PCDH15: variants seen among roughly 807,000 people sequenced by gnomAD.
The protein encoded by PCDH15 is protocadherin-15.
A neutral mutation model predicts 178.5 loss-of-function variants in PCDH15; 129 were observed. The ratio of observed to expected loss-of-function variants is 0.72; its 90% CI spans 0.63 to 0.84. The LOEUF (loss-of-function observed/expected upper bound fraction) is 0.84. PCDH15 is among the 40% of genes least tolerant of loss of function. The probability of loss-of-function intolerance (pLI) is 0.00; values close to 1 mark genes in which losing one functional copy is unlikely to be tolerated. For missense variants in PCDH15, 2,230 were observed against 2,099.9 expected, an observed-to-expected ratio of 1.06 and a Z score of -1.21; for synonymous variants, 800 against 732.0, an observed-to-expected ratio of 1.09 and a Z score of -1.50.
chr10:54,423,725 T>C (rs1955852623), intron 3 of PCDH15, among the ~76,000 whole-genome samples: 1 of 151,814 alleles, frequency 6.6e-6, no homozygotes. Context: ...ATGACATGAA[T>C]TTGGGAAAAA....
chr10:54,096,217 T>C (rs571559302), intron 15 of PCDH15, among the ~76,000 whole-genome samples: 2 of 152,042 alleles, frequency 1.3e-5, no homozygotes, highest in East Asian at 3.9e-4. Context: ...TTCACCTGCT[T>C]GCTTGAACCA....
chr10:55,527,242 T>C (rs572405703), intron 2 of PCDH15, among the ~76,000 whole-genome samples: 1 of 152,150 alleles, frequency 6.6e-6, no homozygotes, highest in Non-Finnish European at 1.5e-5. Context: ...AGAAACATAT[T>C]GTCTCACAGT....
At chr10:54,436,623 A>G (rs1351978706) in intron 3 of PCDH15, among the ~76,000 whole-genome samples, 1 of 152,182 alleles carries the variant, frequency 6.6e-6, no homozygotes, top group Non-Finnish European at 1.5e-5. Context: ...TGATTTTTAT[A>G]TATGCTTTTT....
intron 15 of PCDH15, among the ~76,000 whole-genome samples, chr10:54,095,179 AC>A (rs1010277843): frequency 1.3e-5 from 2 of 152,154 alleles, no homozygotes; most frequent in African/African-American, 4.8e-5. Context: ...ATGTTATTAA[AC>A]CACTTGAGAG....
At chr10:55,417,873 T>C (rs1255509159) in intron 2 of PCDH15, among the ~76,000 whole-genome samples, 1 of 151,596 alleles carries the variant, frequency 6.6e-6, no homozygotes, top group African/African-American at 2.4e-5. Flanking sequence ...TGCATCTTAT[T>C]GTTTTTAACA....
chr10:53,926,070 C>A (rs1015721558), intron 25 of PCDH15, among the ~76,000 whole-genome samples: 1 of 152,154 alleles, frequency 6.6e-6, no homozygotes, highest in African/African-American at 2.4e-5. Context: ...TCCTTGATTT[C>A]TTCCTTTCTC....
chr10:54,186,268 AT>A (rs2048467412), intron 11 of PCDH15, among the ~76,000 whole-genome samples: 1 of 152,062 alleles, frequency 6.6e-6, no homozygotes, highest in Non-Finnish European at 1.5e-5. Flanking sequence ...AATGGATTTA[AT>A]ATCATAAAAC....
chr10:54,583,877 A>T (rs915035346), intron 2 of PCDH15, among the ~76,000 whole-genome samples: 3 of 152,112 alleles, frequency 2.0e-5, no homozygotes, highest in Non-Finnish European at 4.4e-5. Flanking sequence ...GTACACAAAA[A>T]TCTATTGCCT....
chr10:54,937,562 G>GT (rs961554204), intron 2 of PCDH15, among the ~76,000 whole-genome samples: 3 of 151,494 alleles, frequency 2.0e-5, no homozygotes, highest in African/African-American at 7.3e-5. Flanking sequence ...TTAGTATTTT[G>GT]TTTTTTGGGG....
Position 54,396,649 on chromosome 10 carries a change from T to A in PCDH15, c.158-17707A>T, listed in dbSNP as rs376605386. On this transcript the variant is annotated intron_variant, in intron 3 of 37. Coordinates refer to ENST00000644397, the MANE Select transcript of PCDH15 (RefSeq NM_001384140.1). ...TCAGTCTCTGTGTTAGAAGTTGACA[T>A]GATATATGAAGGAAAAGGGCCACTT... is the stretch of plus-strand genomic sequence containing the variant. Among the ~76,000 whole-genome samples the A allele has an allele frequency of 1.4e-4, 21 of 152,230 alleles. No homozygotes were observed. In the East Asian group the frequency reaches 3.5e-3, roughly 25 times the overall value.
intron 3 of PCDH15, among the ~76,000 whole-genome samples, chr10:54,494,844 C>A (rs2079961432): frequency 6.6e-6 from 1 of 151,616 alleles, no homozygotes; most frequent in South Asian, 2.1e-4. Flanking sequence ...CAAGGAAGGA[C>A]AAGAAGTAAA....
intron 21 of PCDH15, among the ~76,000 whole-genome samples, chr10:53,964,241 G>A (rs1453676736): frequency 1.3e-5 from 2 of 151,802 alleles, no homozygotes; most frequent in Non-Finnish European, 2.9e-5. Flanking sequence ...GTATTTACTT[G>A]TTTACTGTTT....
At chr10:53,808,637 G>A in intron 37 of PCDH15, 2 of 1,559,078 alleles carry the variant, frequency 1.3e-6, no homozygotes, top group Admixed American at 1.8e-5. Context: ...CACACAGAAG[G>A]CACTGCACAC....
At chr10:54,551,475 A>G (rs2086605655) in intron 2 of PCDH15, among the ~76,000 whole-genome samples, 1 of 152,106 alleles carries the variant, frequency 6.6e-6, no homozygotes. Flanking sequence ...AAATAAACTT[A>G]CCCAAATGGA....
At chr10:55,377,090 T>C (rs1414348077) in intron 2 of PCDH15, among the ~76,000 whole-genome samples, 3 of 150,944 alleles carry the variant, frequency 2.0e-5, no homozygotes, top group African/African-American at 7.3e-5. Flanking sequence ...TGGGCAATTG[T>C]GCCAGGGCTT....
intron 25 of PCDH15, among the ~76,000 whole-genome samples, chr10:53,908,747 G>A (rs985511722): frequency 2.6e-5 from 4 of 152,230 alleles, no homozygotes; most frequent in Middle Eastern, 3.4e-3. Context: ...TTATTGTTAC[G>A]TATCGTTGCC....
chr10:54,379,175 C>T (rs575682171), intron 3 of PCDH15, among the ~76,000 whole-genome samples: 1 of 152,080 alleles, frequency 6.6e-6, no homozygotes, highest in East Asian at 1.9e-4. Context: ...ATGGTGAGTT[C>T]CATCATCCAT....
chr10:55,265,159 CA>C (rs1314090819), intron 1 of PCDH15, among the ~76,000 whole-genome samples: 3 of 152,040 alleles, frequency 2.0e-5, no homozygotes, highest in Non-Finnish European at 2.9e-5. Context: ...GCCCCTCCAA[CA>C]GATGCCCAGT....
intron 2 of PCDH15, among the ~76,000 whole-genome samples, chr10:54,580,253 T>C (rs1041868935): frequency 1.3e-5 from 2 of 151,098 alleles, no homozygotes; most frequent in African/African-American, 2.4e-5. Context: ...AAAGAGAAGA[T>C]CCAAATAAGC....
Sources: allele counts gnomAD v4.1 joint callset (sites outside exome capture counted in the v4.1 genomes callset), GRCh38; gene constraint gnomAD v4.1.1; transcripts MANE v1.5; gene names NCBI Gene and HGNC (gene_info 2026-07-23, HGNC 2026-07-21).